The following PRLR variants were observed in gnomAD, a reference collection of about 807,000 sequenced individuals.
PRLR encodes the protein hPRL receptor.
A neutral mutation model predicts 40.2 loss-of-function variants in PRLR; 13 were observed. That is an observed-to-expected ratio of 0.32 (90% CI 0.21 to 0.51). PRLR has a LOEUF of 0.51. Ranked by LOEUF, PRLR falls within the 20% of genes least tolerant of loss-of-function variation. The pLI, the probability that PRLR is intolerant of heterozygous loss-of-function variation, is 0.97. For missense variants in PRLR, 656 were observed against 747.3 expected, an observed-to-expected ratio of 0.88 and a Z score of 1.42; for synonymous variants, 269 against 278.7, an observed-to-expected ratio of 0.97 and a Z score of 0.35.
chr5:35,218,233 ACATAT>A (rs1776333317), intron 1 of PRLR, among the ~76,000 whole-genome samples: 1 of 152,194 alleles, frequency 6.6e-6, no homozygotes, highest in African/African-American at 2.4e-5. Flanking sequence ...AATACCTGAC[ACATAT>A]CATATAATAT....
At chr5:35,183,388 C>A (rs1313051999) in intron 1 of PRLR, among the ~76,000 whole-genome samples, 1 of 152,144 alleles carries the variant, frequency 6.6e-6, no homozygotes, top group Admixed American at 6.5e-5. Flanking sequence ...TTGTCGCCCC[C>A]CAATGGACAC....
intron 1 of PRLR, among the ~76,000 whole-genome samples, chr5:35,198,123 T>G (rs1478656949): frequency 6.6e-6 from 1 of 152,240 alleles, no homozygotes; most frequent in Non-Finnish European, 1.5e-5. Context: ...TCCGTTCTAC[T>G]TCAGCCATTT....
intron 2 of PRLR, among the ~76,000 whole-genome samples, chr5:35,090,688 C>T (rs1314980217): frequency 6.6e-6 from 1 of 151,466 alleles, no homozygotes; most frequent in Non-Finnish European, 1.5e-5. Context: ...TGATGAGCCC[C>T]TGAAAGACCA....
At chr5:35,092,359 G>T (rs1357926345) in intron 2 of PRLR, among the ~76,000 whole-genome samples, 3 of 152,158 alleles carry the variant, frequency 2.0e-5, no homozygotes, top group African/African-American at 4.8e-5. Context: ...TCCCAGGAAG[G>T]CAAACATAAT....
At chr5:35,163,619 A>G (rs570691701) in intron 1 of PRLR, among the ~76,000 whole-genome samples, 1 of 152,236 alleles carries the variant, frequency 6.6e-6, no homozygotes, top group South Asian at 2.1e-4. Context: ...GGTCAGAGAC[A>G]TGGTAAGTGC....
At chr5:35,093,648 G>A (rs1771359082) in intron 2 of PRLR, among the ~76,000 whole-genome samples, 1 of 152,136 alleles carries the variant, frequency 6.6e-6, no homozygotes, top group Admixed American at 6.6e-5. Context: ...TCAGTTCCTG[G>A]ATAATCAAGC....
At chr5:35,200,788 G>A (rs945052045) in intron 1 of PRLR, among the ~76,000 whole-genome samples, 4 of 152,170 alleles carry the variant, frequency 2.6e-5, no homozygotes, top group Admixed American at 2.6e-4. Context: ...AAGATATCAG[G>A]CCAAATAGCA....
At chr5:35,219,012 C>T (rs1484189180) in intron 1 of PRLR, among the ~76,000 whole-genome samples, 5 of 152,276 alleles carry the variant, frequency 3.3e-5, no homozygotes, top group African/African-American at 9.6e-5. Flanking sequence ...CCAGCCAGTG[C>T]CCTGTTGGCG....
chr5:35,162,117 T>C (rs79395079), intron 1 of PRLR, among the ~76,000 whole-genome samples: 1,816 of 152,326 alleles, frequency 0.012, 16 homozygotes, highest in Non-Finnish European at 0.017. Context: ...GGGCATTAAA[T>C]TCTAACATTT....
At chr5:35,167,721 A>C (rs527322044) in intron 1 of PRLR, among the ~76,000 whole-genome samples, 139 of 152,256 alleles carry the variant, frequency 9.1e-4, no homozygotes, top group Non-Finnish European at 1.4e-3. Flanking sequence ...AGTTAACTTA[A>C]GTAGACTGTA....
chr5:35,175,979 A>G (rs536352488), intron 1 of PRLR, among the ~76,000 whole-genome samples: 3 of 152,350 alleles, frequency 2.0e-5, no homozygotes, highest in Admixed American at 6.5e-5. Flanking sequence ...GAATTTTTCC[A>G]GTATGAATAT....
chr5:35,210,742 C>T (rs1776148759), intron 1 of PRLR, among the ~76,000 whole-genome samples: 1 of 152,102 alleles, frequency 6.6e-6, no homozygotes, highest in Non-Finnish European at 1.5e-5. Context: ...ACAGGTCTAA[C>T]TCTGTTATCC....
Position 35,086,324 on chromosome 5 carries a change from T to C in PRLR, c.87A>G (p.Gly29=), listed in dbSNP as rs1770845973. The part of the protein sequence containing the change: ...TCLLNGQLPP[G]KPEIFKCRSP... Reference sequence around the variant, plus strand: ...AACGACATTTAAAGATCTCAGGTTTTCCAGGAGGTAACTGTCCTAGAAAAA... The same window carrying C: ...AACGACATTTAAAGATCTCAGGTTTCCCAGGAGGTAACTGTCCTAGAAAAA... Residue 29 remains glycine, a synonymous_variant, in exon 4 of 10, where the codon GGA becomes GGG. Transcript: ENST00000618457. 1.2e-6 allele frequency: 2 copies of C among 1,613,574 alleles called. No individual in the cohort carries two copies. The highest frequency in any genetic ancestry group is 8.5e-7 in the Non-Finnish European group (1 of 1,179,858).
chr5:35,109,953 G>A (rs1035481386), intron 2 of PRLR, among the ~76,000 whole-genome samples: 4 of 152,144 alleles, frequency 2.6e-5, no homozygotes, highest in African/African-American at 9.7e-5. Flanking sequence ...AATAGCAAAG[G>A]CTTGGAGCCA....
intron 2 of PRLR, among the ~76,000 whole-genome samples, chr5:35,113,627 G>T (rs1772833925): frequency 6.6e-6 from 1 of 152,212 alleles, no homozygotes; most frequent in Admixed American, 6.5e-5. Context: ...CAGGGGTAGG[G>T]TCCTAAGAAT....
chr5:35,077,070 G>A (rs1239844219), intron 5 of PRLR, among the ~76,000 whole-genome samples: 2 of 152,042 alleles, frequency 1.3e-5, no homozygotes, highest in South Asian at 2.1e-4. Context: ...AGGAACAACC[G>A]GTACCAGCCA....
chr5:35,052,909 C>T (rs756589540), downstream of PRLR, among the ~76,000 whole-genome samples: 6 of 152,226 alleles, frequency 3.9e-5, no homozygotes, highest in Non-Finnish European at 7.3e-5. Flanking sequence ...TAAAAATGGA[C>T]AGTTTCCTCT....
At chr5:35,049,186 A>T in exon 9 of PRLR, 1 of 700,698 alleles carries the variant, frequency 1.4e-6, no homozygotes. Flanking sequence ...CAGTGAGGCC[A>T]GTGGACACAC....
At chr5:35,156,709 G>A (rs181874108) in intron 1 of PRLR, among the ~76,000 whole-genome samples, 1 of 152,230 alleles carries the variant, frequency 6.6e-6, no homozygotes, top group East Asian at 1.9e-4. Flanking sequence ...CTCAGATATT[G>A]TGCTCAAAGT....
Sources: allele counts gnomAD v4.1 joint callset (sites outside exome capture counted in the v4.1 genomes callset), GRCh38; gene constraint gnomAD v4.1.1; transcripts MANE v1.5; gene names NCBI Gene and HGNC (gene_info 2026-07-23, HGNC 2026-07-21).